NBEA: variants seen among roughly 807,000 people sequenced by gnomAD.
NBEA encodes the protein neurobeachin.
A neutral mutation model predicts 343.4 loss-of-function variants in NBEA; 44 were observed. The observed-to-expected ratio is 0.13, with a 90% confidence interval of 0.10 to 0.16. The LOEUF (loss-of-function observed/expected upper bound fraction) is 0.16. NBEA is among the 10% of genes least tolerant of loss of function. NBEA has a pLI of 1.00. For synonymous variants in NBEA, 1,175 were observed against 1,238.7 expected, an observed-to-expected ratio of 0.95 and a Z score of 1.08; for missense variants, 2,555 against 3,631.3, an observed-to-expected ratio of 0.70 and a Z score of 7.62.
chr13:35,253,078 G>C (rs9600401), intron 34 of NBEA, among the ~76,000 whole-genome samples: 15,854 of 152,136 alleles, frequency 0.1, 872 homozygotes, highest in South Asian at 0.12. Context: ...CTTCTCAAAG[G>C]CTCTGTGCCT....
At chr13:35,029,680 ATATT>A (rs918904688) in intron 1 of NBEA, among the ~76,000 whole-genome samples, 11 of 151,742 alleles carry the variant, frequency 7.2e-5, no homozygotes, top group African/African-American at 2.4e-4. Context: ...TCAAATCAAG[ATATT>A]TAAAGACTCA....
intron 40 of NBEA, among the ~76,000 whole-genome samples, chr13:35,468,313 G>A (rs2075486717): frequency 6.6e-6 from 1 of 152,152 alleles, no homozygotes; most frequent in African/African-American, 2.4e-5. Context: ...ACAGGGTTGT[G>A]TGATGATGAT....
At chr13:35,439,422 G>T (rs540450564) in intron 39 of NBEA, among the ~76,000 whole-genome samples, 1 of 152,300 alleles carries the variant, frequency 6.6e-6, no homozygotes, top group South Asian at 2.1e-4. Flanking sequence ...TTATGAATTT[G>T]CCAGGTTATC....
chr13:35,651,987 C>T (rs2084546128), intron 53 of NBEA, 111 bp downstream of exon 53: 1 of 675,918 alleles, frequency 1.5e-6, no homozygotes, highest in African/African-American at 1.8e-5. Context: ...GATTAAAATG[C>T]TAATAATATC....
In NBEA at chr13:35,376,820, A is replaced by G. The variant is rs796091741; in HGVS notation, c.6179+24497A>G. Among the ~76,000 whole-genome samples the G allele has an allele frequency of 2.0e-5, 3 of 152,244 alleles. No individual in the cohort carries two copies. In the East Asian group the frequency reaches 5.8e-4, roughly 29 times the overall value. ...TTTTGAAGTTGTGGGCACATGCTGT[A>G]ATACAGGGAGGCTGCAGAAAAGTTT... is the stretch of plus-strand genomic sequence containing the variant. On this transcript the variant is annotated intron_variant, in intron 38 of 58. Transcript: ENST00000379939.
At chr13:35,086,600 A>C (rs1019896135) in intron 10 of NBEA, among the ~76,000 whole-genome samples, 5 of 151,924 alleles carry the variant, frequency 3.3e-5, no homozygotes. Flanking sequence ...TGCTTTTGTG[A>C]ATAGCGCTGT....
chr13:35,207,620 T>A (rs537345994), intron 31 of NBEA, among the ~76,000 whole-genome samples: 14 of 152,278 alleles, frequency 9.2e-5, no homozygotes, highest in African/African-American at 3.1e-4. Context: ...CCATATTTAT[T>A]TGTCATTTAA....
At chr13:35,477,112 A>C (rs1225758469) in intron 41 of NBEA, 2 of 167,042 alleles carry the variant, frequency 1.2e-5, no homozygotes, top group African/African-American at 4.8e-5. Flanking sequence ...AACGTCTGTT[A>C]ATCCTTGGGG....
chr13:35,493,126 G>T lies in NBEA; in HGVS notation c.6585+20590G>T, dbSNP rs531159678. 1.1e-4 allele frequency among the ~76,000 whole-genome samples: 17 copies of T among 152,010 alleles called. No individual in the cohort carries two copies. The East Asian group carries it at 3.1e-3, about 28-fold the overall frequency. On this transcript the variant is annotated intron_variant, in intron 41 of 58. Coordinates refer to ENST00000379939, the MANE Select transcript of NBEA (RefSeq NM_001385012.1). ...ATAAGATTCTGGGTGGAGAGGGAAA[G>T]AATTTTGGGGAAAGAAGACCCATGA...
chr13:35,342,478 T>C (rs2039642245), intron 36 of NBEA, among the ~76,000 whole-genome samples: 2 of 152,068 alleles, frequency 1.3e-5, no homozygotes, highest in Non-Finnish European at 2.9e-5. Context: ...AATGTATGCA[T>C]GTCAGGACAG....
intron 34 of NBEA, among the ~76,000 whole-genome samples, chr13:35,274,365 A>C: frequency 6.6e-6 from 1 of 152,222 alleles, no homozygotes; most frequent in East Asian, 1.9e-4. Context: ...AATGTATCTC[A>C]AAATAATAAG....
At chr13:35,579,001 A>C (rs1309963968) in intron 45 of NBEA, among the ~76,000 whole-genome samples, 2 of 151,604 alleles carry the variant, frequency 1.3e-5, no homozygotes, top group Non-Finnish European at 2.9e-5. Context: ...GGAATTTTCC[A>C]CTTATGGTGT....
chr13:34,972,354 C>T (rs1175436953), intron 1 of NBEA, among the ~76,000 whole-genome samples: 2 of 151,874 alleles, frequency 1.3e-5, no homozygotes, highest in African/African-American at 2.4e-5. Flanking sequence ...TTTGGTATTT[C>T]CTGTCTTCTG....
At chr13:35,317,379 G>C (rs1367921654) in intron 36 of NBEA, among the ~76,000 whole-genome samples, 5 of 152,102 alleles carry the variant, frequency 3.3e-5, no homozygotes, top group Non-Finnish European at 7.4e-5. Context: ...CCCATTGCTT[G>C]ATTTTTGACA....
chr13:35,504,862 T>A (rs1204263288), intron 41 of NBEA, among the ~76,000 whole-genome samples: 3 of 152,160 alleles, frequency 2.0e-5, no homozygotes, highest in Non-Finnish European at 4.4e-5. Flanking sequence ...TCCTCCCCGC[T>A]TGGCCTCCCA....
chr13:35,175,414 G>C (rs2070818900), intron 27 of NBEA, among the ~76,000 whole-genome samples: 2 of 152,158 alleles, frequency 1.3e-5, no homozygotes, highest in South Asian at 4.1e-4. Context: ...CGAATAAATA[G>C]TATTTTGAAG....
chr13:35,012,877 AT>A (rs1405162432), intron 1 of NBEA, among the ~76,000 whole-genome samples: 1 of 152,124 alleles, frequency 6.6e-6, no homozygotes, highest in Non-Finnish European at 1.5e-5. Flanking sequence ...GAAAAAAGAA[AT>A]TTTGTAAGTA....
intron 49 of NBEA, among the ~76,000 whole-genome samples, chr13:35,642,795 T>C (rs1421001996): frequency 1.3e-5 from 2 of 152,066 alleles, no homozygotes; most frequent in Non-Finnish European, 2.9e-5. Context: ...ATAGAAACCA[T>C]GTCTGTGAGC....
chr13:35,129,639 G>T (rs2067307541), intron 17 of NBEA, among the ~76,000 whole-genome samples: 1 of 151,914 alleles, frequency 6.6e-6, no homozygotes, highest in South Asian at 2.1e-4. Context: ...AAAAGGAAAG[G>T]TTTCAAATAT....
Sources: gnomAD v4.1 joint callset for allele counts (sites outside exome capture counted in the v4.1 genomes callset) on GRCh38, gnomAD v4.1.1 for gene constraint, MANE v1.5 for transcripts, NCBI Gene and HGNC (gene_info 2026-07-23, HGNC 2026-07-21) for gene names.